STIM2: variants seen among roughly 807,000 people sequenced by gnomAD.
STIM2 encodes the protein stromal interaction molecule 2.
STIM2 carries 31 observed loss-of-function variants against 85.8 expected under a neutral mutation model. The ratio of observed to expected loss-of-function variants is 0.36; its 90% CI spans 0.27 to 0.49. The LOEUF is 0.49. Among genes scored for constraint, STIM2 ranks in the 20% least tolerant of loss-of-function variants. STIM2 has a pLI of 0.98. For synonymous variants in STIM2, 356 were observed against 331.1 expected (o/e 1.08, Z -0.82); for missense variants, 841 against 927.6 (o/e 0.91, Z 1.21).
intron 1 of STIM2, among the ~76,000 whole-genome samples, chr4:26,876,780 G>GT (rs1722830384): frequency 6.6e-6 from 1 of 151,376 alleles, no homozygotes; most frequent in African/African-American, 2.4e-5. Context: ...TACAGTTCAG[G>GT]TTTTTTCTGT....
chr4:26,869,128 C>T (rs1446271763), intron 1 of STIM2, among the ~76,000 whole-genome samples: 1 of 151,770 alleles, frequency 6.6e-6, no homozygotes, highest in Non-Finnish European at 1.5e-5. Context: ...AATCCCATCT[C>T]CTCAAAAAAT....
At chr4:26,891,951 T>G (rs1394274350) in intron 1 of STIM2, among the ~76,000 whole-genome samples, 4 of 152,160 alleles carry the variant, frequency 2.6e-5, no homozygotes, top group Non-Finnish European at 4.4e-5. Context: ...GGGAGATGAT[T>G]GAATCTTGGG....
chr4:26,922,224 T>A (rs952699508), intron 2 of STIM2, among the ~76,000 whole-genome samples: 11 of 151,898 alleles, frequency 7.2e-5, no homozygotes, highest in Admixed American at 3.9e-4. Flanking sequence ...TGTATTATAT[T>A]TTTATATTTA....
chr4:26,960,934 C>T (rs1397122548), intron 3 of STIM2, among the ~76,000 whole-genome samples: 2 of 151,438 alleles, frequency 1.3e-5, no homozygotes, highest in African/African-American at 2.4e-5. Flanking sequence ...CTTGTTGGTG[C>T]GCTCCCGTCA....
In STIM2 at chr4:26,894,517, T is replaced by C. The variant is rs181745636; in HGVS notation, c.152-24987T>C. On this transcript the variant is annotated intron_variant, in intron 1 of 11. Coordinates refer to ENST00000467087, the MANE Select transcript of STIM2 (RefSeq NM_020860.4). ...TTCCATTTTTTTCCTTCCGTGTGGA[T>C]GTTCAGCCAATTGCAGCACCATTTT... Among the ~76,000 whole-genome samples, 56 of 152,254 alleles carry C rather than the reference T, an allele frequency of 3.7e-4. No homozygotes were observed. The East Asian group carries it at 7.9e-3, about 21-fold the overall frequency.
In STIM2 at chr4:27,015,802, T is replaced by C. The variant is rs1020188319; in HGVS notation, c.1490-1909T>C. On this transcript the variant is annotated intron_variant, in intron 10 of 11. Coordinates refer to ENST00000467087, the MANE Select transcript of STIM2 (RefSeq NM_020860.4). ...TGGATTTAAACAGTTTTTTTTTTTTTTTGCTAATATTTGGTGTGTTTCTTG... is the reference window on the plus strand; with the variant it reads ...TGGATTTAAACAGTTTTTTTTTTTTCTTGCTAATATTTGGTGTGTTTCTTG... Among the ~76,000 whole-genome samples the C allele has an allele frequency of 5.1e-4, 78 of 151,750 alleles. 1 individual carries two copies. Among genetic ancestry groups the C allele is most frequent in the African/African-American group, 1.9e-3 (78 of 41,496 alleles).
intron 11 of STIM2, chr4:27,019,518 A>G: frequency 7.8e-7 from 1 of 1,281,602 alleles, no homozygotes; most frequent in Non-Finnish European, 1.0e-6. Context: ...GCATTGATGG[A>G]ACGTTCAGTT....
chr4:26,900,418 A>G lies in STIM2; in HGVS notation c.152-19086A>G, dbSNP rs1004064660. On this transcript the variant is annotated intron_variant, in intron 1 of 11. Transcript: ENST00000467087. ...ACTTTAGTTTCTTAAGTTACTAATA[A>G]TTAAAACTGCTGTCAAAGTAATTAT... 2.6e-5 allele frequency among the ~76,000 whole-genome samples: 4 copies of G among 152,332 alleles called. No individual in the cohort carries two copies. The East Asian group carries it at 7.7e-4, about 29-fold the overall frequency.
rs1227041807 is a variant in STIM2, at chr4:26,993,334, T to A, written c.398-2045T>A. 3.9e-5 allele frequency among the ~76,000 whole-genome samples: 6 copies of A among 152,262 alleles called. No homozygotes were observed. The East Asian group carries it at 1.2e-3, about 29-fold the overall frequency. On this transcript the variant is annotated intron_variant, in intron 3 of 11. Transcript: ENST00000467087. ...TCAGGCCCATGTCCAGGTTTTATGGTAGGAACACATGAAGGGGAGAACAGT... is the reference window on the plus strand; with the variant it reads ...TCAGGCCCATGTCCAGGTTTTATGGAAGGAACACATGAAGGGGAGAACAGT...
At chr4:26,974,389 G>A (rs893132593) in intron 3 of STIM2, among the ~76,000 whole-genome samples, 3 of 152,138 alleles carry the variant, frequency 2.0e-5, no homozygotes, top group Non-Finnish European at 2.9e-5. Context: ...TTCTTTCCAT[G>A]TTTAGTGCTT....
intron 1 of STIM2, among the ~76,000 whole-genome samples, chr4:26,869,299 CAAAAAAAAAAAA>C (rs71186495): frequency 2.7e-4 from 23 of 85,884 alleles, no homozygotes; most frequent in Non-Finnish European, 4.0e-4. Context: ...ACCCTGTCTC[CAAAAAAAAAAAA>C]AAAAAAAAAG....
chr4:26,956,279 A>G (rs1163230235), intron 2 of STIM2, among the ~76,000 whole-genome samples: 1 of 152,214 alleles, frequency 6.6e-6, no homozygotes, highest in Non-Finnish European at 1.5e-5. Flanking sequence ...GGGTACATAT[A>G]TGAGCAAAGT....
intron 2 of STIM2, among the ~76,000 whole-genome samples, chr4:26,936,245 T>C (rs931034052): frequency 2.0e-5 from 3 of 152,244 alleles, no homozygotes; most frequent in African/African-American, 7.2e-5. Context: ...TATGTCCTTA[T>C]GTCCTGACAA....
intron 2 of STIM2, among the ~76,000 whole-genome samples, chr4:26,943,779 T>G (rs1725709561): frequency 6.6e-6 from 1 of 152,202 alleles, no homozygotes; most frequent in African/African-American, 2.4e-5. Context: ...ATATTTATGA[T>G]TCAGATTTAG....
In STIM2 at chr4:26,973,063, G is replaced by A. The variant is rs1053796026; in HGVS notation, c.397+15337G>A. Among the ~76,000 whole-genome samples the A allele has an allele frequency of 6.6e-5, 10 of 151,992 alleles. No homozygotes were observed. The East Asian group carries it at 1.2e-3, about 18-fold the overall frequency. ...ATAGTATTCTCTGATGGTAGTTTGC[G>A]TTTCTGTGGGATCGGTAGTGATATC... On this transcript the variant is annotated intron_variant, in intron 3 of 11. Transcript: ENST00000467087.
At chr4:27,000,966 A>T (rs1728130769) in intron 5 of STIM2, among the ~76,000 whole-genome samples, 1 of 152,192 alleles carries the variant, frequency 6.6e-6, no homozygotes, top group Non-Finnish European at 1.5e-5. Context: ...AGAAATAAAA[A>T]ATGCTTTTGA....
In STIM2 at chr4:26,861,066, C is replaced by T; in HGVS notation, c.-153C>T. ...GCGGCGGGGGCGGCCGGAGGAGTCG[C>T]CGGCGGCGGTGGTGGCGCCTCGCGG... is the stretch of plus-strand genomic sequence containing the variant. On this transcript the variant is annotated 5_prime_UTR_variant, in exon 1 of 12. Coordinates refer to ENST00000467087, the MANE Select transcript of STIM2 (RefSeq NM_020860.4). The T allele has an allele frequency of 1.7e-6, 2 of 1,187,132 alleles. No homozygotes were observed. The highest frequency in any genetic ancestry group is 3.5e-5 in the South Asian group (1 of 28,810). The allele number at this position is 1,187,132 out of a possible 1,614,324, so 73.5% of individuals were successfully genotyped here.
intron 3 of STIM2, among the ~76,000 whole-genome samples, chr4:26,979,866 A>G (rs1727316947): frequency 1.3e-5 from 2 of 152,182 alleles, no homozygotes; most frequent in African/African-American, 4.8e-5. Context: ...TGTTAATGAA[A>G]GATTTGGTAG....
At position 27,007,556 on chromosome 4, in the gene STIM2, C is replaced by A; in HGVS notation, c.1005C>A (p.Ala335=). ...AGGTTCGCATGGCTCTGAAAAAGGC[C>A]GAAAAAGAATTTGAACTGAGAAGCA... is the stretch of plus-strand genomic sequence containing the variant. Residue 335 remains alanine (A), a synonymous_variant, in exon 8 of 12, where the codon GCC becomes GCA. Transcript: ENST00000467087. 1 of 1,562,078 alleles carries A rather than the reference C, an allele frequency of 6.4e-7. No individual in the cohort carries two copies. The highest frequency in any genetic ancestry group is 8.7e-7 in the Non-Finnish European group (1 of 1,154,090).
Sources: gnomAD v4.1 joint callset for allele counts (sites outside exome capture counted in the v4.1 genomes callset) on GRCh38, gnomAD v4.1.1 for gene constraint, MANE v1.5 for transcripts, NCBI Gene and HGNC (gene_info 2026-07-23, HGNC 2026-07-21) for gene names.